Variants in GARRE1 observed in about 807,000 individuals in gnomAD.
The protein encoded by GARRE1 is granule associated Rac and RHOG effector protein 1.
GARRE1 carries 49 observed loss-of-function variants against 103.2 expected under a neutral mutation model. The ratio of observed to expected loss-of-function variants is 0.47; its 90% CI spans 0.38 to 0.60. The LOEUF (loss-of-function observed/expected upper bound fraction) is 0.60, where lower values mean the gene tolerates loss of function less well. Ranked by LOEUF, GARRE1 falls within the 20% of genes least tolerant of loss-of-function variation. The probability of loss-of-function intolerance (pLI) is 0.00; values close to 1 mark genes in which losing one functional copy is unlikely to be tolerated. For synonymous variants in GARRE1, 505 were observed against 532.8 expected (o/e 0.95, Z 0.72); for missense variants, 1,199 against 1,370.5 (o/e 0.87, Z 1.98).
In GARRE1 at chr19:34,316,700, A is replaced by G. The variant is rs2074062080; in HGVS notation, c.496-3207A>G. Among the ~76,000 whole-genome samples the G allele has an allele frequency of 2.0e-5, 3 of 152,214 alleles. No homozygotes were observed. In the South Asian group the frequency reaches 6.2e-4, roughly 32 times the overall value. Reference sequence around the variant, plus strand: ...TTAACCATTGGTTTGATTGGCTTTGAATAAGTTATTTACAACACAGATATT... The same window carrying G: ...TTAACCATTGGTTTGATTGGCTTTGGATAAGTTATTTACAACACAGATATT... On this transcript the variant is annotated intron_variant, in intron 2 of 13. Coordinates refer to ENST00000299505, the MANE Select transcript of GARRE1 (RefSeq NM_014686.5).
At chr19:34,322,416 C>T (rs2074093591) in intron 3 of GARRE1, among the ~76,000 whole-genome samples, 1 of 152,058 alleles carries the variant, frequency 6.6e-6, no homozygotes, top group South Asian at 2.1e-4. Flanking sequence ...AGGTGATCCA[C>T]CTGCCTTGTC....
chr19:34,282,731 G>A (rs2073863070), intron 1 of GARRE1, among the ~76,000 whole-genome samples: 1 of 152,186 alleles, frequency 6.6e-6, no homozygotes, highest in African/African-American at 2.4e-5. Flanking sequence ...GGAATGGGAA[G>A]TACAGATGAA....
intron 1 of GARRE1, among the ~76,000 whole-genome samples, chr19:34,264,438 G>A (rs1317579792): frequency 6.6e-6 from 1 of 151,440 alleles, no homozygotes; most frequent in Non-Finnish European, 1.5e-5. Context: ...TTGCTCTGTT[G>A]CCCAGGCTAG....
intron 10 of GARRE1, among the ~76,000 whole-genome samples, chr19:34,344,247 TG>T (rs1220263038): frequency 2.0e-5 from 3 of 152,192 alleles, no homozygotes; most frequent in African/African-American, 7.2e-5. Flanking sequence ...TACTGTGAAA[TG>T]TTACAAATAA....
chr19:34,276,125 C>A (rs894299482), intron 1 of GARRE1, among the ~76,000 whole-genome samples: 3 of 152,016 alleles, frequency 2.0e-5, no homozygotes, highest in African/African-American at 7.2e-5. Flanking sequence ...CTCACTGCAG[C>A]CTATGTTTCC....
chr19:34,294,293 G>A (rs935087831), intron 1 of GARRE1, among the ~76,000 whole-genome samples: 1 of 151,776 alleles, frequency 6.6e-6, no homozygotes, highest in Non-Finnish European at 1.5e-5. Context: ...GCATGGTGGT[G>A]CATGCCTGAG....
chr19:34,312,902 G>A (rs1203360557), intron 2 of GARRE1, among the ~76,000 whole-genome samples: 3 of 151,978 alleles, frequency 2.0e-5, no homozygotes, highest in Non-Finnish European at 2.9e-5. Flanking sequence ...ACTCCAGCCT[G>A]AGCAACAAAA....
chr19:34,304,444 T>C (rs2073997626), intron 2 of GARRE1, among the ~76,000 whole-genome samples: 2 of 149,848 alleles, frequency 1.3e-5, no homozygotes, highest in East Asian at 4.0e-4. Flanking sequence ...GGCGTGGTCT[T>C]GGCTCACAGC....
chr19:34,254,696 C>T (rs2073659132), intron 1 of GARRE1, 82 bp downstream of exon 1: 2 of 146,558 alleles, frequency 1.4e-5, no homozygotes, highest in South Asian at 1.8e-4. Context: ...GGCCGCGGGC[C>T]GCAGCCAGGG....
At chr19:34,273,107 C>T (rs1209339643) in intron 1 of GARRE1, among the ~76,000 whole-genome samples, 2 of 152,170 alleles carry the variant, frequency 1.3e-5, no homozygotes, top group African/African-American at 4.8e-5. Context: ...GAGGCTGAGG[C>T]TGGTCAATCA....
At chr19:34,311,674 G>A (rs989865268) in intron 2 of GARRE1, among the ~76,000 whole-genome samples, 2 of 152,068 alleles carry the variant, frequency 1.3e-5, no homozygotes, top group Admixed American at 6.5e-5. Flanking sequence ...ACAGTGGTGC[G>A]ATCTCGGCTC....
chr19:34,271,411 A>G (rs1214756916), intron 1 of GARRE1, among the ~76,000 whole-genome samples: 1 of 151,794 alleles, frequency 6.6e-6, no homozygotes, highest in Non-Finnish European at 1.5e-5. Context: ...ACCACACCCA[A>G]CTAACTTTTT....
intron 1 of GARRE1, among the ~76,000 whole-genome samples, chr19:34,278,606 T>C (rs1443760388): frequency 2.6e-5 from 4 of 152,146 alleles, no homozygotes; most frequent in South Asian, 2.1e-4. Context: ...ATTTGTCCTT[T>C]AGTGTCTGGC....
chr19:34,349,742 C>T (rs1274141481), intron 12 of GARRE1, among the ~76,000 whole-genome samples: 1 of 152,162 alleles, frequency 6.6e-6, no homozygotes, highest in Non-Finnish European at 1.5e-5. Context: ...GGCTCCCAGG[C>T]ACTCGAAGCC....
chr19:34,260,117 T>G (rs2073707022), intron 1 of GARRE1, among the ~76,000 whole-genome samples: 1 of 152,180 alleles, frequency 6.6e-6, no homozygotes, highest in African/African-American at 2.4e-5. Flanking sequence ...TTTTAAGAAA[T>G]TGCCACAGCC....
rs926628753 is a variant in GARRE1, at chr19:34,344,854, T to A, written c.2521+2399T>A. Among the ~76,000 whole-genome samples the A allele has an allele frequency of 1.0e-3, 153 of 151,446 alleles. 2 individuals carry two copies. The highest frequency in any genetic ancestry group is 8.7e-3 in the East Asian group (44 of 5,036). On this transcript the variant is annotated intron_variant, in intron 10 of 13. Transcript: ENST00000299505. ...ACACCCAGCTAATTTTTTTTTTTTTTTATACGGAGTCTCGCTCTACCGCCC... is the reference window on the plus strand; with the variant it reads ...ACACCCAGCTAATTTTTTTTTTTTTATATACGGAGTCTCGCTCTACCGCCC...
At chr19:34,289,201 GAGGC>G (rs576843792) in intron 1 of GARRE1, among the ~76,000 whole-genome samples, 49 of 152,212 alleles carry the variant, frequency 3.2e-4, no homozygotes, top group African/African-American at 1.1e-3. Context: ...TTGGGAGGCT[GAGGC>G]AGGAATCAGT....
chr19:34,256,650 G>C (rs1300168523), intron 1 of GARRE1, among the ~76,000 whole-genome samples: 2 of 152,040 alleles, frequency 1.3e-5, no homozygotes, highest in Admixed American at 6.6e-5. Context: ...GTCAGTTCCA[G>C]ATTTATTGAA....
intron 1 of GARRE1, among the ~76,000 whole-genome samples, chr19:34,287,624 G>C (rs942117501): frequency 6.6e-6 from 1 of 152,166 alleles, no homozygotes; most frequent in Non-Finnish European, 1.5e-5. Context: ...CTTTGACAAA[G>C]TACTATAGAC....
Sources: gnomAD v4.1 joint callset for allele counts (sites outside exome capture counted in the v4.1 genomes callset) on GRCh38, gnomAD v4.1.1 for gene constraint, MANE v1.5 for transcripts, NCBI Gene and HGNC (gene_info 2026-07-23, HGNC 2026-07-21) for gene names.